The following TBC1D2 variants were observed in gnomAD, a reference collection of about 807,000 sequenced individuals.
TBC1D2 encodes TBC1 domain family member 2A.
TBC1D2 carries 58 observed loss-of-function variants against 91.1 expected under a neutral mutation model. That is an observed-to-expected ratio of 0.64 (90% CI 0.52 to 0.79). The LOEUF (loss-of-function observed/expected upper bound fraction) is 0.79, where lower values mean the gene tolerates loss of function less well. Among genes scored for constraint, TBC1D2 ranks in the 30% least tolerant of loss-of-function variants. The pLI, the probability that TBC1D2 is intolerant of heterozygous loss-of-function variation, is 0.00. For missense variants in TBC1D2, 1,080 were observed against 1,208.3 expected (o/e 0.89, Z 1.57); for synonymous variants, 482 against 511.5 (o/e 0.94, Z 0.78).
intron 6 of TBC1D2, among the ~76,000 whole-genome samples, chr9:98,216,603 T>C (rs1828975561): frequency 6.6e-6 from 1 of 152,222 alleles, no homozygotes. Flanking sequence ...CAGACCCAGC[T>C]CTGGCGCTGG....
chr9:98,229,116 G>A lies in TBC1D2; in HGVS notation c.814C>T (p.Pro272Ser), dbSNP rs150294802. The A allele has an allele frequency of 1.2e-6, 2 of 1,614,226 alleles. No homozygotes were observed. The highest frequency in any genetic ancestry group is 1.7e-6 in the Non-Finnish European group (2 of 1,180,038). The part of the protein sequence containing the change: ...REPEDSPKPA[P>S]KPSLTISFAQ... ...AAACTGATGGTCAGAGAAGGCTTGGGTGCAGGCTTTGGAGAATCCTCTGGC... is the reference window on the plus strand; with the variant it reads ...AAACTGATGGTCAGAGAAGGCTTGGATGCAGGCTTTGGAGAATCCTCTGGC... The change falls in exon 5 of 13, where the codon CCC becomes TCC. Residue 272 changes from proline (P) to serine (S), a missense_variant. Physicochemically the swap from Pro to Ser is moderately conservative, Grantham distance 74. Transcript: ENST00000465784.
In TBC1D2 at chr9:98,255,605, A is replaced by C; in HGVS notation, c.-64T>G. 2 of 1,422,414 alleles carry C rather than the reference A, an allele frequency of 1.4e-6. No individual in the cohort carries two copies. Among genetic ancestry groups the C allele is most frequent in the Non-Finnish European group, 1.8e-6 (2 of 1,092,152 alleles). 88.1% of individuals were successfully genotyped at this position (1,422,414 alleles called of 1,614,324 possible). A position where few individuals can be genotyped will look rare whatever the true frequency, so the allele number is the denominator to read the frequency against. Reference sequence around the variant, plus strand: ...CGGGACCACCAGGGACAAATCTCGGAGACTCGGCGGGCAGCTTCCCAAAGG... The same window carrying C: ...CGGGACCACCAGGGACAAATCTCGGCGACTCGGCGGGCAGCTTCCCAAAGG... On this transcript the variant is annotated 5_prime_UTR_variant, in exon 1 of 13. Coordinates refer to ENST00000465784, the MANE Select transcript of TBC1D2 (RefSeq NM_001267571.2).
intron 4 of TBC1D2, 124 bp from the exon 5 acceptor site, chr9:98,229,272 C>T: frequency 1.2e-6 from 1 of 866,698 alleles, no homozygotes; most frequent in Non-Finnish European, 1.8e-6. Context: ...AATTTCGGAG[C>T]TCTGGATTTA....
chr9:98,249,212 A>C (rs1829824192), intron 2 of TBC1D2, among the ~76,000 whole-genome samples: 1 of 152,142 alleles, frequency 6.6e-6, no homozygotes, highest in African/African-American at 2.4e-5. Context: ...AGGCGAGGAA[A>C]GGTTTCAAGA....
intron 3 of TBC1D2, among the ~76,000 whole-genome samples, chr9:98,241,845 C>T (rs1588061116): frequency 6.6e-6 from 1 of 152,188 alleles, no homozygotes; most frequent in East Asian, 1.9e-4. Context: ...CCCATCAAGC[C>T]TCTCTCTCAA....
intron 9 of TBC1D2, 59 bp from the exon 10 acceptor site, chr9:98,203,467 C>T: frequency 6.2e-7 from 1 of 1,601,218 alleles, no homozygotes; most frequent in Non-Finnish European, 8.5e-7. Flanking sequence ...CCAGGCAGCA[C>T]ATGGCAGAGG....
At chr9:98,223,317 A>G (rs777553616) in intron 5 of TBC1D2, among the ~76,000 whole-genome samples, 23 of 152,220 alleles carry the variant, frequency 1.5e-4, no homozygotes, top group Non-Finnish European at 2.8e-4. Flanking sequence ...GCCCCAGTAA[A>G]GACCTGGAGG....
At chr9:98,241,156 T>C (rs1829627430) in intron 3 of TBC1D2, among the ~76,000 whole-genome samples, 2 of 152,194 alleles carry the variant, frequency 1.3e-5, no homozygotes, top group Admixed American at 1.3e-4. Flanking sequence ...GTAAATACTA[T>C]TCTCACCCTC....
chr9:98,255,081 T>C (rs1278193858), intron 1 of TBC1D2, 92 bp downstream of exon 1: 24 of 1,496,296 alleles, frequency 1.6e-5, no homozygotes, highest in Non-Finnish European at 2.0e-5. Context: ...ACTCCAAATT[T>C]ACTGTGTCCA....
At chr9:98,217,028 G>A (rs749906975) in intron 6 of TBC1D2, among the ~76,000 whole-genome samples, 2 of 152,204 alleles carry the variant, frequency 1.3e-5, no homozygotes. Flanking sequence ...TTGGAAAGAA[G>A]GCTTTTGTCA....
At position 98,201,420 on chromosome 9, in the gene TBC1D2, G is replaced by A. The variant is rs574780559; in HGVS notation, c.2457+59C>T. The A allele has an allele frequency of 9.9e-5, 149 of 1,502,824 alleles. No individual in the cohort carries two copies. In the African/African-American group the frequency reaches 1.8e-3, roughly 18 times the overall value. 93.1% of individuals were successfully genotyped at this position (1,502,824 alleles called of 1,614,324 possible). The stretch of plus-strand genomic sequence containing the variant: ...CATTCTCCAGGGGCAGAGTCAAGAC[G>A]CAGATGGGTGAAGGGACTTGCTCAG... On this transcript the variant is annotated intron_variant, in intron 11 of 12. Transcript: ENST00000465784.
At chr9:98,205,480 C>G (rs1015433334) in intron 9 of TBC1D2, among the ~76,000 whole-genome samples, 2 of 152,228 alleles carry the variant, frequency 1.3e-5, no homozygotes, top group African/African-American at 2.4e-5. Flanking sequence ...TAGACCATCA[C>G]TAAACAAGCT....
chr9:98,220,438 G>T (rs967412033), intron 6 of TBC1D2, among the ~76,000 whole-genome samples: 5 of 152,144 alleles, frequency 3.3e-5, no homozygotes, highest in East Asian at 1.9e-4. Flanking sequence ...GCAGGACTGT[G>T]GGGGGAGGGT....
intron 5 of TBC1D2, among the ~76,000 whole-genome samples, chr9:98,224,610 C>T (rs938069564): frequency 2.0e-5 from 3 of 152,132 alleles, no homozygotes; most frequent in Non-Finnish European, 2.9e-5. Flanking sequence ...ATTTCTCAAT[C>T]GAGTTGTTTG....
Position 98,201,475 on chromosome 9 carries a change from C to T in TBC1D2, c.2457+4G>A, listed in dbSNP as rs747893061. ...CCCCTGCCCATCCCCTGGCTGCACC[C>T]TACCTTCGTCCCCTCGTACAGGAAG... On this transcript the variant is annotated splice_donor_region_variant and intron_variant, in intron 11 of 12. Coordinates refer to ENST00000465784, the MANE Select transcript of TBC1D2 (RefSeq NM_001267571.2). The T allele has an allele frequency of 1.2e-5, 19 of 1,612,456 alleles. 2 individuals carry two copies. In the South Asian group the frequency reaches 2.0e-4, roughly 17 times the overall value.
In TBC1D2 at chr9:98,235,117, C is replaced by T. The variant is rs539545180; in HGVS notation, c.648-1568G>A. On this transcript the variant is annotated intron_variant, in intron 3 of 12. Coordinates refer to ENST00000465784, the MANE Select transcript of TBC1D2 (RefSeq NM_001267571.2). ...TACTCGGGAGGCTGAGGCAGAGAAT[C>T]GCTTGAACCCGGGAGGCGGAGGTTG... 197 of 225,124 alleles carry T rather than the reference C, an allele frequency of 8.8e-4. 3 individuals are homozygous for T. The South Asian group carries it at 0.011, about 12-fold the overall frequency. The allele number at this position is 225,124 out of a possible 1,614,324, so 13.9% of individuals were successfully genotyped here.
chr9:98,202,836 A>C (rs1828543999), intron 10 of TBC1D2, among the ~76,000 whole-genome samples: 1 of 152,276 alleles, frequency 6.6e-6, no homozygotes, highest in South Asian at 2.1e-4. Flanking sequence ...ACATTTCCTA[A>C]CTTGCCTTGC....
In TBC1D2 at chr9:98,209,033, G is replaced by A. The variant is rs760862083; in HGVS notation, c.1785C>T (p.Leu595=). 7 of 1,614,056 alleles carry A rather than the reference G, an allele frequency of 4.3e-6. No individual in the cohort carries two copies. The highest frequency in any genetic ancestry group is 2.2e-5 in the East Asian group (1 of 44,896). Residue 595 remains leucine, a synonymous_variant, in exon 9 of 13, where the codon CTC becomes CTT. Transcript: ENST00000465784. ...CCCTCAGCGGCCGATCCACAGCCTC[G>A]AGGCCCAGCAGGTGGTGGGATCGTG... ...LESRSHHLLG[L]EAVDRPLRER...
At chr9:98,235,569 G>A (rs1829484063) in intron 3 of TBC1D2, 2 of 455,018 alleles carry the variant, frequency 4.4e-6, no homozygotes, top group Non-Finnish European at 8.7e-6. Flanking sequence ...AGAAGCTGAA[G>A]CATCTCCTGA....
Sources: gnomAD v4.1 joint callset for allele counts (sites outside exome capture counted in the v4.1 genomes callset) on GRCh38, gnomAD v4.1.1 for gene constraint, MANE v1.5 for transcripts, NCBI Gene and HGNC (gene_info 2026-07-23, HGNC 2026-07-21) for gene names.